MYO9B: variants seen among roughly 807,000 people sequenced by gnomAD.
The protein encoded by MYO9B is myosin IXB, also known as unconventional myosin-IXb.
MYO9B carries 71 observed loss-of-function variants against 229.5 expected under a neutral mutation model. The ratio of observed to expected loss-of-function variants is 0.31; its 90% CI spans 0.26 to 0.38. The LOEUF is 0.38. Among genes scored for constraint, MYO9B ranks in the 10% least tolerant of loss-of-function variants. The pLI is 1.00. For synonymous variants in MYO9B, 1,185 were observed against 1,235.8 expected (o/e 0.96, Z 0.86); for missense variants, 2,255 against 2,920.5 (o/e 0.77, Z 5.25).
intron 13 of MYO9B, among the ~76,000 whole-genome samples, chr19:17,174,021 G>C: frequency 8.0e-6 from 1 of 124,610 alleles, no homozygotes; most frequent in Admixed American, 8.7e-5. Flanking sequence ...GTGATGAGCT[G>C]CTTTTTTTTT....
intron 19 of MYO9B, among the ~76,000 whole-genome samples, chr19:17,188,477 G>GCT (rs2072944874): frequency 6.7e-6 from 1 of 149,810 alleles, no homozygotes; most frequent in Admixed American, 6.7e-5. Context: ...CATGCCAAGA[G>GCT]CTAGTACCTG....
At chr19:17,144,000 C>A (rs1361521910) in intron 2 of MYO9B, among the ~76,000 whole-genome samples, 1 of 152,068 alleles carries the variant, frequency 6.6e-6, no homozygotes, top group Non-Finnish European at 1.5e-5. Flanking sequence ...ATCTGTACAG[C>A]AAATCCCTGT....
chr19:17,159,461 A>T lies in MYO9B; in HGVS notation c.1396A>T (p.Ile466Phe). The change falls in exon 8 of 40, where the codon ATC (isoleucine) becomes TTC (phenylalanine). Residue 466 changes from isoleucine to phenylalanine, a missense_variant. Transcript: ENST00000682292. Reference protein sequence around the residue: ...RKTVTVNDKLILPYSLSEAIT... With the variant: ...RKTVTVNDKLFLPYSLSEAIT... ...AACGGTGACCGTCAACGACAAGCTT[A>T]TCCTTCCCTACAGCCTCAGCGAGGT... 1 of 1,610,160 alleles carries T rather than the reference A, an allele frequency of 6.2e-7. No individual in the cohort carries two copies. Among genetic ancestry groups the T allele is most frequent in the South Asian group, 1.1e-5 (1 of 90,010 alleles).
chr19:17,157,228 C>A, intron 7 of MYO9B, 190 bp downstream of exon 7: 1 of 621,378 alleles, frequency 1.6e-6, no homozygotes, highest in Non-Finnish European at 2.5e-6. Context: ...AGGGGCACCT[C>A]CTCCTCCCAC....
intron 6 of MYO9B, among the ~76,000 whole-genome samples, chr19:17,155,331 G>T (rs1209181201): frequency 6.6e-6 from 1 of 151,942 alleles, no homozygotes; most frequent in Non-Finnish European, 1.5e-5. Flanking sequence ...TGGGACTACA[G>T]GCGCGTGCCA....
chr19:17,102,996 C>G (rs533009207), intron 2 of MYO9B, among the ~76,000 whole-genome samples: 1 of 141,426 alleles, frequency 7.1e-6, no homozygotes, highest in South Asian at 2.3e-4. Flanking sequence ...GCAAGAGGAT[C>G]GCTTGAGCCC....
Position 17,205,969 on chromosome 19 carries a change from G to A in MYO9B, c.5074G>A (p.Gly1692Ser), listed in dbSNP as rs766129847. ...SYTYGRKGEP[G>S]VEPGHFGVCV... ...AACCCCGGCACTGCAGGGCGAGCCA[G>A]GCGTTGAGCCTGGCCACTTCGGCGT... Residue 1692 changes from glycine (G) to serine (S), a missense_variant, in exon 32 of 40, where the codon GGC becomes AGC. By Grantham distance (56) the Gly-to-Ser change is moderately conservative. Around this residue, in one of 7 missense-constraint regions of MYO9B, gnomAD observed 416 missense variants for 605.5 expected, o/e 0.69. Transcript: ENST00000682292. 6.4e-7 allele frequency: 1 copy of A among 1,560,188 alleles called. No homozygotes were observed. Among genetic ancestry groups the A allele is most frequent in the Non-Finnish European group, 8.7e-7 (1 of 1,150,494 alleles).
intron 20 of MYO9B, among the ~76,000 whole-genome samples, chr19:17,191,667 C>G (rs1486303954): frequency 1.3e-5 from 2 of 152,144 alleles, no homozygotes; most frequent in Non-Finnish European, 2.9e-5. Context: ...CCCTGAAGGC[C>G]TCACCTGGTG....
At chr19:17,203,913 G>A (rs940677659) in intron 30 of MYO9B, among the ~76,000 whole-genome samples, 3 of 152,098 alleles carry the variant, frequency 2.0e-5, no homozygotes, top group Admixed American at 1.3e-4. Flanking sequence ...AGCCCCAGGG[G>A]ACCCTAAGAG....
chr19:17,202,911 C>G (rs1295571813), intron 29 of MYO9B, 28 bp downstream of exon 29: 5 of 1,592,660 alleles, frequency 3.1e-6, no homozygotes. Flanking sequence ...AGATGAGAGT[C>G]CGAGCAGGCG....
In MYO9B at chr19:17,172,163, CCTTT is replaced by C. The variant is rs2072731856; in HGVS notation, c.1794-169_1794-166del. ...GCAGGCAGGCGCACTGTCATTCCTT[CCTTT>C]CTTCACTCCTTCACCCACCCCTCTG... On this transcript the variant is annotated intron_variant, in intron 11 of 39. Transcript: ENST00000682292. This position sits in a 1 kb window ranked among gnomAD's most constrained non-coding sequence, Gnocchi z 8.2. 6.6e-6 allele frequency among the ~76,000 whole-genome samples: 1 copy of C among 152,142 alleles called. No individual in the cohort carries two copies. Among genetic ancestry groups the C allele is most frequent in the African/African-American group, 2.4e-5 (1 of 41,428 alleles).
chr19:17,209,775 C>A (rs1289484522), intron 36 of MYO9B, 66 bp downstream of exon 36: 25 of 1,444,702 alleles, frequency 1.7e-5, no homozygotes, highest in Non-Finnish European at 2.2e-5. Context: ...TGGGCAGGGC[C>A]TTGGGCGTGG....
At chr19:17,112,922 C>T (rs911272105) in intron 2 of MYO9B, among the ~76,000 whole-genome samples, 3 of 152,230 alleles carry the variant, frequency 2.0e-5, no homozygotes, top group African/African-American at 7.2e-5. Context: ...GCTCCCCTCT[C>T]ATTGGGGGGC....
At chr19:17,206,224 A>AGGGGGGG in intron 32 of MYO9B, 24 bp from the exon 33 acceptor site, 2 of 1,563,204 alleles carry the variant, frequency 1.3e-6, no homozygotes, top group Non-Finnish European at 1.7e-6. Context: ...GCCGCTCACC[A>AGGGGGGG]GACCCACCCC....
At chr19:17,086,316 C>T (rs1399351107) in intron 1 of MYO9B, among the ~76,000 whole-genome samples, 2 of 152,204 alleles carry the variant, frequency 1.3e-5, no homozygotes, top group Non-Finnish European at 2.9e-5. Flanking sequence ...ACTCTGGCCC[C>T]GCCTGCCCAT....
At chr19:17,087,968 T>C (rs1379695171) in intron 1 of MYO9B, among the ~76,000 whole-genome samples, 1 of 146,970 alleles carries the variant, frequency 6.8e-6, no homozygotes, top group Non-Finnish European at 1.5e-5. Flanking sequence ...GGCGTGGTGG[T>C]GGGTGCCTGT....
At chr19:17,206,410 G>A in intron 33 of MYO9B, 34 bp downstream of exon 33, 2 of 1,602,140 alleles carry the variant, frequency 1.2e-6, no homozygotes, top group South Asian at 1.1e-5. Context: ...GGCAGCAGGT[G>A]GCCACAGCCA....
intron 1 of MYO9B, among the ~76,000 whole-genome samples, chr19:17,100,412 G>T (rs546288098): frequency 1.2e-4 from 19 of 152,290 alleles, no homozygotes; most frequent in Admixed American, 2.6e-4. Flanking sequence ...AGCAGAGGTT[G>T]CAGTGAGCCG....
chr19:17,157,083 C>T (rs774109577), intron 7 of MYO9B, 45 bp downstream of exon 7: 12 of 1,590,812 alleles, frequency 7.5e-6, no homozygotes, highest in South Asian at 6.8e-5. Flanking sequence ...GGCTCAGGGC[C>T]GCTGGCTATC....
Sources: gnomAD v4.1 joint callset for allele counts (sites outside exome capture counted in the v4.1 genomes callset) on GRCh38, gnomAD v4.1.1 for gene constraint, gnomAD v4.1.1 regional missense constraint, Gnocchi (gnomAD v3.1) non-coding constraint, MANE v1.5 for transcripts, NCBI Gene and HGNC (gene_info 2026-07-23, HGNC 2026-07-21) for gene names.